ATP8B1: variants seen among roughly 807,000 people sequenced by gnomAD.
The protein encoded by ATP8B1 is phospholipid-transporting ATPase IC.
Under a neutral mutation model 149.9 loss-of-function variants are expected in ATP8B1, and 80 were observed. The ratio of observed to expected loss-of-function variants is 0.53; its 90% CI spans 0.45 to 0.64. ATP8B1 has a LOEUF of 0.64. Ranked by LOEUF, ATP8B1 falls within the 30% of genes least tolerant of loss-of-function variation. The pLI, the probability that ATP8B1 is intolerant of heterozygous loss-of-function variation, is 0.00. For synonymous variants in ATP8B1, 536 were observed against 562.8 expected (o/e 0.95, Z 0.67); for missense variants, 1,247 against 1,552.6 (o/e 0.80, Z 3.31).
chr18:57,775,805 C>T (rs1302257845), intron 1 of ATP8B1, among the ~76,000 whole-genome samples: 4 of 152,044 alleles, frequency 2.6e-5, no homozygotes, highest in Non-Finnish European at 2.9e-5. Flanking sequence ...CCACCACACC[C>T]GGCTAATTTT....
intron 21 of ATP8B1, among the ~76,000 whole-genome samples, chr18:57,661,674 T>TACACACACAC (rs1360057007): frequency 2.5e-4 from 10 of 39,596 alleles, no homozygotes; most frequent in African/African-American, 7.3e-4. Flanking sequence ...TGTGTATGTA[T>TACACACACAC]ATACACACAC....
In ATP8B1 at chr18:57,654,078, G is replaced by T. The variant is rs1057523495; in HGVS notation, c.2932-3C>A. The T allele has an allele frequency of 6.2e-7, 1 of 1,612,240 alleles. No individual in the cohort carries two copies. The highest frequency in any genetic ancestry group is 8.5e-7 in the Non-Finnish European group (1 of 1,178,482). ...ATGAACCAATCCTCGTATGCAGTCTGTGAGGGGATGACAGAGGCTCCATGT... is the reference window on the plus strand; with the variant it reads ...ATGAACCAATCCTCGTATGCAGTCTTTGAGGGGATGACAGAGGCTCCATGT... On this transcript the variant is annotated splice_polypyrimidine_tract_variant and splice_region_variant and intron_variant, in intron 23 of 27. Coordinates refer to ENST00000648908, the MANE Select transcript of ATP8B1 (RefSeq NM_001374385.1).
chr18:57,700,315 A>G (rs2122931852), intron 6 of ATP8B1, among the ~76,000 whole-genome samples: 1 of 152,308 alleles, frequency 6.6e-6, no homozygotes. Flanking sequence ...ATATATTTAA[A>G]AAGTATTTTA....
intron 2 of ATP8B1, among the ~76,000 whole-genome samples, chr18:57,728,560 C>T (rs975835535): frequency 1.3e-5 from 2 of 152,006 alleles, no homozygotes; most frequent in Non-Finnish European, 2.9e-5. Flanking sequence ...TGAACATCAT[C>T]TGTGTGCTTG....
chr18:57,675,036 G>T lies in ATP8B1; in HGVS notation c.1631-14C>A, dbSNP rs759266314. The T allele has an allele frequency of 6.2e-7, 1 of 1,613,272 alleles. No individual in the cohort carries two copies. Among genetic ancestry groups the T allele is most frequent in the Non-Finnish European group, 8.5e-7 (1 of 1,179,770 alleles). ...AGTTGAGCTGACCTAACAAGGAAGC[G>T]AGAGAAATCCCAGAAAAGCTGTAAA... On this transcript the variant is annotated splice_polypyrimidine_tract_variant and intron_variant, in intron 15 of 27. Coordinates refer to ENST00000648908, the MANE Select transcript of ATP8B1 (RefSeq NM_001374385.1).
chr18:57,667,850 C>G (rs1489732767), intron 19 of ATP8B1, among the ~76,000 whole-genome samples: 6 of 152,064 alleles, frequency 3.9e-5, no homozygotes, highest in African/African-American at 1.4e-4. Context: ...CAGGGCTGTG[C>G]TTCCCATAAC....
chr18:57,679,628 C>T (rs1470430928), intron 15 of ATP8B1, among the ~76,000 whole-genome samples: 1 of 152,140 alleles, frequency 6.6e-6, no homozygotes, highest in African/African-American at 2.4e-5. Flanking sequence ...AAGCTAAATG[C>T]ACCTTTCTTC....
chr18:57,731,495 G>T (rs565694859), intron 2 of ATP8B1, 132 bp downstream of exon 2: 3 of 1,042,864 alleles, frequency 2.9e-6, no homozygotes, highest in South Asian at 1.4e-5. Context: ...TCTGTCAGTC[G>T]CATCCTAAGA....
intron 2 of ATP8B1, among the ~76,000 whole-genome samples, chr18:57,716,974 C>T (rs968580512): frequency 6.6e-6 from 1 of 151,870 alleles, no homozygotes; most frequent in Admixed American, 6.6e-5. Context: ...TATCAAACAT[C>T]TGACTGACCA....
Position 57,680,614 on chromosome 18 carries a change from A to C in ATP8B1, c.1630+3422T>G, listed in dbSNP as rs552657406. 1.1e-3 allele frequency among the ~76,000 whole-genome samples: 168 copies of C among 149,228 alleles called. 1 individual carries two copies. Among genetic ancestry groups the C allele is most frequent in the East Asian group, 7.4e-3 (37 of 5,010 alleles). On this transcript the variant is annotated intron_variant, in intron 15 of 27. Coordinates refer to ENST00000648908, the MANE Select transcript of ATP8B1 (RefSeq NM_001374385.1). ...ACAAAACAAAACAAAACAAAACAAA[A>C]CAAAAAAAAAACCACACACGCTCAC...
Position 57,697,803 on chromosome 18 carries a change from A to G in ATP8B1, c.619T>C (p.Phe207Leu), listed in dbSNP as rs898578447. The G allele has an allele frequency of 1.2e-6, 2 of 1,614,016 alleles. No individual in the cohort carries two copies. Among genetic ancestry groups the G allele is most frequent in the Non-Finnish European group, 8.5e-7 (1 of 1,179,974 alleles). The change falls in exon 7 of 28, where the codon TTT becomes CTT. Residue 207 changes from phenylalanine (F) to leucine (L), a missense_variant. This residue lies in a region of ATP8B1 where 853 missense variants were observed against 1,035.7 expected (regional missense o/e 0.82). Coordinates refer to ENST00000648908, the MANE Select transcript of ATP8B1 (RefSeq NM_001374385.1). ...GDVIRLKKND[F>L]VPADILLLSS... is the part of the protein sequence containing the mutation. Reference sequence around the variant, plus strand: ...AGAATTTGTTCACTTACTGGAACAAAATCATTTTTTTTCAGACGAATGACG... The same window carrying G: ...AGAATTTGTTCACTTACTGGAACAAGATCATTTTTTTTCAGACGAATGACG...
At chr18:57,773,198 TC>T in intron 1 of ATP8B1, among the ~76,000 whole-genome samples, 1 of 30,468 alleles carries the variant, frequency 3.3e-5, no homozygotes, top group Admixed American at 3.9e-4. Flanking sequence ...CGAGACTCTG[TC>T]TTAAAAAAAA....
chr18:57,734,346 T>C (rs1006303640), intron 1 of ATP8B1, among the ~76,000 whole-genome samples: 4 of 152,010 alleles, frequency 2.6e-5, no homozygotes, highest in African/African-American at 9.7e-5. Context: ...TGTACCACCA[T>C]GTCTGGCTAA....
At chr18:57,737,474 G>C (rs188777017) in intron 1 of ATP8B1, among the ~76,000 whole-genome samples, 56 of 151,834 alleles carry the variant, frequency 3.7e-4, no homozygotes, top group African/African-American at 1.3e-3. Context: ...TCAAATCTGA[G>C]GGCTCCAGCA....
intron 2 of ATP8B1, among the ~76,000 whole-genome samples, chr18:57,719,247 T>C (rs557757286): frequency 1.6e-4 from 25 of 152,132 alleles, no homozygotes; most frequent in Non-Finnish European, 2.5e-4. Context: ...AATAATCCCA[T>C]TGGGAGGAGC....
chr18:57,758,325 TC>T (rs36067041), intron 1 of ATP8B1, among the ~76,000 whole-genome samples: 54,379 of 151,806 alleles, frequency 0.36, 10,106 homozygotes, highest in African/African-American at 0.46. Flanking sequence ...TTTCTGTTTA[TC>T]CGTCCTGTGT....
At chr18:57,653,874 A>C in intron 24 of ATP8B1, 118 bp downstream of exon 24, 2 of 950,840 alleles carry the variant, frequency 2.1e-6, no homozygotes, top group Admixed American at 4.0e-5. Context: ...ACAGAATTAT[A>C]ATAGGGTTTG....
chr18:57,654,320 CT>C (rs948487486), intron 23 of ATP8B1, among the ~76,000 whole-genome samples: 18 of 146,322 alleles, frequency 1.2e-4, no homozygotes, highest in African/African-American at 1.8e-4. Context: ...TATCAATATT[CT>C]TTTTTTTTTT....
intron 2 of ATP8B1, among the ~76,000 whole-genome samples, chr18:57,710,389 A>G (rs1177853153): frequency 6.6e-6 from 1 of 152,118 alleles, no homozygotes; most frequent in Non-Finnish European, 1.5e-5. Flanking sequence ...CGTGCTCTCC[A>G]GAGTGTTCCC....
Sources: allele counts gnomAD v4.1 joint callset (sites outside exome capture counted in the v4.1 genomes callset), GRCh38; gene constraint gnomAD v4.1.1; regional missense constraint gnomAD v4.1.1; transcripts MANE v1.5; gene names NCBI Gene and HGNC (gene_info 2026-07-23, HGNC 2026-07-21).